IFT52: variants seen among roughly 807,000 people sequenced by gnomAD.
The protein encoded by IFT52 is intraflagellar transport protein 52 homolog.
IFT52 carries 44 observed loss-of-function variants against 54.4 expected under a neutral mutation model. That is an observed-to-expected ratio of 0.81 (90% CI 0.63 to 1.04). IFT52 has a LOEUF of 1.04. IFT52 is among the 50% of genes least tolerant of loss of function. The pLI, the probability that IFT52 is intolerant of heterozygous loss-of-function variation, is 0.00. For synonymous variants in IFT52, 181 were observed against 185.3 expected (o/e 0.98, Z 0.19); for missense variants, 452 against 523.6 (o/e 0.86, Z 1.33).
intron 3 of IFT52, among the ~76,000 whole-genome samples, chr20:43,597,189 T>C (rs1242199384): frequency 6.6e-6 from 1 of 151,626 alleles, no homozygotes; most frequent in Non-Finnish European, 1.5e-5. Flanking sequence ...CTGACCAACA[T>C]GGAGAAACCC....
intron 10 of IFT52, 165 bp downstream of exon 10, chr20:43,624,210 G>T (rs1286916301): frequency 5.2e-6 from 4 of 763,250 alleles, no homozygotes; most frequent in Non-Finnish European, 8.6e-6. Context: ...GGCATGAGGG[G>T]TTGATGTAGA....
At chr20:43,603,973 A>T in intron 4 of IFT52, 84 bp downstream of exon 4, 1 of 1,085,838 alleles carries the variant, frequency 9.2e-7, no homozygotes, top group Non-Finnish European at 1.4e-6. Flanking sequence ...CAGTGGCATA[A>T]TGGAAAAAGC....
At chr20:43,635,314 G>A (rs538614109) in intron 10 of IFT52, among the ~76,000 whole-genome samples, 1 of 152,054 alleles carries the variant, frequency 6.6e-6, no homozygotes, top group African/African-American at 2.4e-5. Context: ...TTTTGAGACA[G>A]AATTTTTGCT....
chr20:43,646,977 T>A lies in IFT52; in HGVS notation c.1308T>A (p.Asn436Lys), dbSNP rs1986246179. 1 of 1,613,520 alleles carries A rather than the reference T, an allele frequency of 6.2e-7. No individual in the cohort carries two copies. Among genetic ancestry groups the A allele is most frequent in the Non-Finnish European group, 8.5e-7 (1 of 1,179,480 alleles). ...IDTSETAFQN[N>K]F ...CAAGTGAAACAGCATTCCAGAACAA[T>A]TTCTGAAGACCATGCCTCTTGAAGC... Residue 436 changes from asparagine (N) to lysine (K), a missense_variant, in exon 14 of 14, where the codon AAT becomes AAA. Transcript: ENST00000373030.
chr20:43,637,779 A>G (rs1397304014), intron 12 of IFT52, among the ~76,000 whole-genome samples: 1 of 152,204 alleles, frequency 6.6e-6, no homozygotes, highest in Non-Finnish European at 1.5e-5. Flanking sequence ...AGTGCCAAGC[A>G]GAAAGCCAAA....
intron 12 of IFT52, among the ~76,000 whole-genome samples, chr20:43,638,264 C>T (rs1187485229): frequency 4.0e-5 from 6 of 151,822 alleles, no homozygotes; most frequent in South Asian, 2.1e-4. Context: ...TATCTCAGCT[C>T]GAGGTAACCT....
At chr20:43,636,100 T>C in intron 11 of IFT52, 87 bp downstream of exon 11, 1 of 1,221,916 alleles carries the variant, frequency 8.2e-7, no homozygotes, top group Non-Finnish European at 1.2e-6. Flanking sequence ...GTCCCTTCCA[T>C]GTGCCATTTG....
At chr20:43,601,424 T>C (rs779680364) in intron 3 of IFT52, among the ~76,000 whole-genome samples, 31 of 152,340 alleles carry the variant, frequency 2.0e-4, no homozygotes, top group Admixed American at 1.4e-3. Context: ...GTACCAAATA[T>C]CCATTCTTTT....
At chr20:43,630,736 T>C (rs1381589497) in intron 10 of IFT52, among the ~76,000 whole-genome samples, 1 of 152,184 alleles carries the variant, frequency 6.6e-6, no homozygotes, top group Non-Finnish European at 1.5e-5. Context: ...GTCAGGCCAT[T>C]CCCGAAAGAT....
Position 43,620,758 on chromosome 20 carries a change from C to T in IFT52, c.700-99C>T, listed in dbSNP as rs1555348. 701,142 of 854,650 alleles carry T rather than the reference C, an allele frequency of 0.82. 288,547 individuals are homozygous for T. The highest frequency in any genetic ancestry group is 0.95 in the African/African-American group (55,110 of 57,950). 52.9% of individuals were successfully genotyped at this position (854,650 alleles called of 1,614,324 possible). On this transcript the variant is annotated intron_variant, in intron 8 of 13. Coordinates refer to ENST00000373030, the MANE Select transcript of IFT52 (RefSeq NM_016004.5). ...TTTCTGAATCACTGGTTTAATCTTT[C>T]TTCCTTTATCATTCTTCTTGATTTA...
chr20:43,641,867 CA>C (rs1315974994), intron 12 of IFT52, among the ~76,000 whole-genome samples: 5 of 151,736 alleles, frequency 3.3e-5, no homozygotes. Context: ...AATCTCTGTT[CA>C]CTGCAACCTC....
chr20:43,626,717 T>A (rs1984747603), intron 10 of IFT52, among the ~76,000 whole-genome samples: 1 of 152,164 alleles, frequency 6.6e-6, no homozygotes, highest in African/African-American at 2.4e-5. Context: ...GCATCTTACC[T>A]TTGGTGGATT....
In IFT52 at chr20:43,642,507, C is replaced by G. The variant is rs1290344666; in HGVS notation, c.1149C>G (p.Val383=). Residue 383 remains valine (V), a synonymous_variant, in exon 13 of 14, where the codon GTC becomes GTG. Transcript: ENST00000373030. The part of the protein sequence containing the change: ...KCTEEDLEFY[V]RKCGDILGVT... ...CTGAAGAAGACCTGGAATTTTATGT[C>G]AGGAAGTGTGGTGATATTCTTGGAG... 2 of 1,614,052 alleles carry G rather than the reference C, an allele frequency of 1.2e-6. No individual in the cohort carries two copies. The highest frequency in any genetic ancestry group is 2.2e-5 in the East Asian group (1 of 44,878).
intron 3 of IFT52, among the ~76,000 whole-genome samples, chr20:43,600,598 C>T (rs914870071): frequency 6.6e-6 from 1 of 152,120 alleles, no homozygotes; most frequent in Non-Finnish European, 1.5e-5. Context: ...TATAATTCTT[C>T]TCTCAGTTTA....
At chr20:43,615,342 C>T (rs1983778049) in intron 7 of IFT52, among the ~76,000 whole-genome samples, 1 of 152,108 alleles carries the variant, frequency 6.6e-6, no homozygotes, top group Admixed American at 6.5e-5. Context: ...TGTGCCCAGC[C>T]CCCACTGCGT....
chr20:43,621,240 A>G (rs1334791046), intron 9 of IFT52, among the ~76,000 whole-genome samples: 1 of 152,218 alleles, frequency 6.6e-6, no homozygotes, highest in Non-Finnish European at 1.5e-5. Context: ...TTTTTCAGAA[A>G]TCTGAAATTT....
Position 43,646,926 on chromosome 20 carries a change from T to A in IFT52, c.1267-10T>A. ...AATACTAAAATTCTGTGTCTTATTC[T>A]CTCATCCAGGAACATGACATCGATA... On this transcript the variant is annotated splice_polypyrimidine_tract_variant and intron_variant, in intron 13 of 13. Coordinates refer to ENST00000373030, the MANE Select transcript of IFT52 (RefSeq NM_016004.5). 1.2e-6 allele frequency: 2 copies of A among 1,610,824 alleles called. No individual in the cohort carries two copies.
At chr20:43,617,547 G>A (rs1414858141) in intron 7 of IFT52, among the ~76,000 whole-genome samples, 2 of 151,636 alleles carry the variant, frequency 1.3e-5, no homozygotes, top group Non-Finnish European at 2.9e-5. Context: ...AGATTCAAGT[G>A]ATTCTCATGC....
intron 4 of IFT52, 35 bp downstream of exon 4, chr20:43,603,924 CT>C: frequency 7.4e-7 from 1 of 1,351,794 alleles, no homozygotes; most frequent in East Asian, 2.3e-5. Flanking sequence ...AGAGGCAGTA[CT>C]TTTCTATCTA....
Sources: gnomAD v4.1 joint callset for allele counts (sites outside exome capture counted in the v4.1 genomes callset) on GRCh38, gnomAD v4.1.1 for gene constraint, MANE v1.5 for transcripts, NCBI Gene and HGNC (gene_info 2026-07-23, HGNC 2026-07-21) for gene names.